The following EVI5 variants were observed in gnomAD, a reference collection of about 807,000 sequenced individuals.
The protein encoded by EVI5 is ecotropic viral integration site 5.
Under a neutral mutation model 112.0 loss-of-function variants are expected in EVI5, and 73 were observed. The ratio of observed to expected loss-of-function variants is 0.65; its 90% confidence interval spans 0.54 to 0.79. EVI5 has a LOEUF of 0.79. Ranked by LOEUF, EVI5 falls within the 30% of genes least tolerant of loss-of-function variation. The probability of loss-of-function intolerance (pLI) is 0.00; values close to 1 mark genes in which losing one functional copy is unlikely to be tolerated. For missense variants in EVI5, 900 were observed against 968.8 expected (o/e 0.93, Z 0.94); for synonymous variants, 305 against 319.9 (o/e 0.95, Z 0.50).
chr1:92,663,259 A>C (rs1664322695), intron 12 of EVI5, among the ~76,000 whole-genome samples, 161 bp downstream of exon 12: 1 of 152,208 alleles, frequency 6.6e-6, no homozygotes, highest in African/African-American at 2.4e-5. Flanking sequence ...ACACCTTGTT[A>C]CAAAAAATTA....
chr1:92,574,495 T>C (rs79843890), intron 18 of EVI5, among the ~76,000 whole-genome samples: 4,808 of 152,184 alleles, frequency 0.032, 224 homozygotes, highest in African/African-American at 0.1. Flanking sequence ...GGTTTTAACA[T>C]GTTATAGTGC....
At chr1:92,599,300 T>G (rs1195133822) in intron 18 of EVI5, among the ~76,000 whole-genome samples, 1 of 152,000 alleles carries the variant, frequency 6.6e-6, no homozygotes, top group African/African-American at 2.4e-5. Flanking sequence ...AACATTTTAC[T>G]CGCAAGAGAG....
Position 92,694,337 on chromosome 1 carries a change from C to T in EVI5, c.961G>A (p.Ala321Thr), listed in dbSNP as rs1209334220. 1 of 1,606,452 alleles carries T rather than the reference C, an allele frequency of 6.2e-7. No homozygotes were observed. The highest frequency in any genetic ancestry group is 1.7e-5 in the Admixed American group (1 of 59,556). ...TCCATGTCAAGTTGCATCAGTTCTG[C>T]CTGATTCATCTGAAGAAGTGCTAAT... ...VGLALLQMNQ[A>T]ELMQLDMEGM... Residue 321 changes from alanine to threonine, a missense_variant, in exon 8 of 20, where the codon GCA (alanine) becomes ACA (threonine). By Grantham distance (58) the Ala-to-Thr change is moderately conservative. Coordinates refer to ENST00000684568, the MANE Select transcript of EVI5 (RefSeq NM_001350197.2).
chr1:92,789,705 G>A (rs554820276), upstream of EVI5, among the ~76,000 whole-genome samples: 2 of 152,270 alleles, frequency 1.3e-5, no homozygotes, highest in East Asian at 3.9e-4. Flanking sequence ...TCTGGGAGGG[G>A]AACCCCTCTA....
chr1:92,662,807 G>C lies in EVI5; in HGVS notation c.1304C>G (p.Ala435Gly), dbSNP rs1399980608. Residue 435 changes from alanine (A) to glycine (G), a missense_variant, in exon 13 of 20, where the codon GCC becomes GGC. Ala to Gly is a moderately conservative substitution (Grantham distance 60, BLOSUM62 0). Transcript: ENST00000684568. ...CTCATCACTCTGCTGTTTGATGGTG[G>C]CCAACTCCCGTTTTATGAGGTAGTT... The part of the protein sequence containing the change: ...EENYLIKREL[A>G]TIKQQSDEAS... 1.6e-6 allele frequency: 2 copies of C among 1,289,028 alleles called. No homozygotes were observed. Among genetic ancestry groups the C allele is most frequent in the Non-Finnish European group, 2.0e-6 (2 of 988,570 alleles). 79.8% of individuals were successfully genotyped at this position (1,289,028 alleles called of 1,614,324 possible).
chr1:92,792,368 G>A (rs889727765), exon 1 of EVI5: 1 of 1,610,802 alleles, frequency 6.2e-7, no homozygotes, highest in Non-Finnish European at 8.5e-7. Flanking sequence ...GGTTTCTAAA[G>A]GCAGCAGTCA....
intron 2 of EVI5, among the ~76,000 whole-genome samples, chr1:92,721,194 T>C (rs549359179): frequency 6.6e-6 from 1 of 152,298 alleles, no homozygotes; most frequent in East Asian, 1.9e-4. Context: ...CCCAAAGGAT[T>C]ATAAATCATG....
intron 1 of EVI5, among the ~76,000 whole-genome samples, chr1:92,780,341 C>G (rs2103096555): frequency 6.6e-6 from 1 of 152,324 alleles, no homozygotes; most frequent in South Asian, 2.1e-4. Flanking sequence ...GACTAATACA[C>G]CTGTGAGACT....
chr1:92,785,002 C>T lies in EVI5; in HGVS notation c.-248G>A. 5 of 985,490 alleles carry T rather than the reference C, an allele frequency of 5.1e-6. No homozygotes were observed. The highest frequency in any genetic ancestry group is 6.0e-6 in the Non-Finnish European group (5 of 829,996). 61.0% of individuals were successfully genotyped at this position (985,490 alleles called of 1,614,324 possible). The stretch of plus-strand genomic sequence containing the variant: ...CAGAAGCTCAGGGCCGCCTCGCGAC[C>T]CTCACCTACCCCTCCCGGCACCGCC... On this transcript the variant is annotated 5_prime_UTR_variant, in exon 1 of 20. Coordinates refer to ENST00000684568, the MANE Select transcript of EVI5 (RefSeq NM_001350197.2).
chr1:92,696,945 C>G (rs1670424128), intron 6 of EVI5, among the ~76,000 whole-genome samples: 1 of 151,836 alleles, frequency 6.6e-6, no homozygotes, highest in African/African-American at 2.4e-5. Flanking sequence ...GAGACTGAGG[C>G]AGGAGAATGG....
At chr1:92,780,609 C>T (rs946569599) in intron 1 of EVI5, among the ~76,000 whole-genome samples, 1 of 152,120 alleles carries the variant, frequency 6.6e-6, no homozygotes, top group Non-Finnish European at 1.5e-5. Context: ...AATTAGCTGA[C>T]CATACTGTTA....
At chr1:92,541,892 A>G (rs1439578643) in intron 19 of EVI5, among the ~76,000 whole-genome samples, 1 of 152,216 alleles carries the variant, frequency 6.6e-6, no homozygotes, top group East Asian at 1.9e-4. Context: ...TACTCCTAAA[A>G]AATGCTAATG....
chr1:92,574,945 A>G (rs1285666254), intron 18 of EVI5, among the ~76,000 whole-genome samples: 2 of 152,236 alleles, frequency 1.3e-5, no homozygotes, highest in Non-Finnish European at 2.9e-5. Flanking sequence ...TTTAAAATAC[A>G]CTACACAATT....
intron 18 of EVI5, among the ~76,000 whole-genome samples, chr1:92,572,845 G>A (rs1315860881): frequency 2.0e-5 from 3 of 152,020 alleles, no homozygotes; most frequent in Admixed American, 2.0e-4. Flanking sequence ...AAGCTCATCT[G>A]TTAGCCATTT....
At chr1:92,593,666 A>T (rs1361392522) in intron 18 of EVI5, among the ~76,000 whole-genome samples, 3 of 152,170 alleles carry the variant, frequency 2.0e-5, no homozygotes, top group Admixed American at 6.5e-5. Context: ...TATATCTAGA[A>T]AACCCCATCG....
intron 19 of EVI5, among the ~76,000 whole-genome samples, chr1:92,553,685 C>T (rs780221088): frequency 2.0e-5 from 3 of 152,278 alleles, no homozygotes; most frequent in African/African-American, 4.8e-5. Context: ...CAGCCAACCT[C>T]GGTCTCACAT....
intron 1 of EVI5, among the ~76,000 whole-genome samples, chr1:92,751,889 T>A (rs563018212): frequency 3.3e-5 from 5 of 151,888 alleles, no homozygotes; most frequent in African/African-American, 1.2e-4. Flanking sequence ...GGTGCACGCC[T>A]ATAATAATTA....
intron 18 of EVI5, among the ~76,000 whole-genome samples, chr1:92,591,964 C>A (rs1674004408): frequency 6.6e-6 from 1 of 152,144 alleles, no homozygotes; most frequent in African/African-American, 2.4e-5. Flanking sequence ...CTCACTCAAG[C>A]CGGGCGCGGT....
chr1:92,548,301 T>C (rs975963757), intron 19 of EVI5, among the ~76,000 whole-genome samples: 3 of 152,216 alleles, frequency 2.0e-5, no homozygotes, highest in Non-Finnish European at 4.4e-5. Context: ...TCAACAGCCC[T>C]TCATGCTAAA....
Sources: gnomAD v4.1 joint callset for allele counts (sites outside exome capture counted in the v4.1 genomes callset) on GRCh38, gnomAD v4.1.1 for gene constraint, MANE v1.5 for transcripts, NCBI Gene and HGNC (gene_info 2026-07-23, HGNC 2026-07-21) for gene names.